PPP2R5E: variants seen among roughly 807,000 people sequenced by gnomAD.
PPP2R5E encodes serine/threonine-protein phosphatase 2A 56 kDa regulatory subunit epsilon isoform.
PPP2R5E carries 4 observed loss-of-function variants against 65.3 expected under a neutral mutation model. The observed-to-expected ratio is 0.06, with a 90% CI of 0.03 to 0.14. The LOEUF is 0.14. Ranked by LOEUF, PPP2R5E falls within the 10% of genes least tolerant of loss-of-function variation. The pLI is 1.00. For synonymous variants in PPP2R5E, 183 were observed against 187.4 expected, an observed-to-expected ratio of 0.98 and a Z score of 0.19; for missense variants, 274 against 556.1, an observed-to-expected ratio of 0.49 and a Z score of 5.10.
rs1893963334 is a variant in PPP2R5E, at chr14:63,542,843, G to A, written c.-72C>T. On this transcript the variant is annotated 5_prime_UTR_variant, in exon 1 of 14. Transcript: ENST00000337537. ...CTTGGAGGGGCGGGAGACGGGCGAG[G>A]TGGCCGCAGCGGGGGCGGGCGGCGG... 1 of 154,008 alleles carries A rather than the reference G, an allele frequency of 6.5e-6. No homozygotes were observed. The highest frequency in any genetic ancestry group is 1.9e-4 in the South Asian group (1 of 5,350). 9.5% of individuals were successfully genotyped at this position (154,008 alleles called of 1,614,324 possible).
chr14:63,392,499 G>C lies in PPP2R5E; in HGVS notation c.850-474C>G, dbSNP rs372494980. ...ATGCAAACTAAAGCAGTTTCACGAGGAGATAAAAGGTTGTACCTGCCAGTC... is the reference window on the plus strand; with the variant it reads ...ATGCAAACTAAAGCAGTTTCACGAGCAGATAAAAGGTTGTACCTGCCAGTC... On this transcript the variant is annotated intron_variant, in intron 8 of 13. Coordinates refer to ENST00000337537, the MANE Select transcript of PPP2R5E (RefSeq NM_006246.5). 3.9e-4 allele frequency among the ~76,000 whole-genome samples: 59 copies of C among 152,330 alleles called. 2 individuals are homozygous for C. Among genetic ancestry groups the C allele is most frequent in the African/African-American group, 1.4e-3 (58 of 41,572 alleles).
chr14:63,378,311 A>C (rs1388183470), intron 13 of PPP2R5E, among the ~76,000 whole-genome samples: 1 of 152,192 alleles, frequency 6.6e-6, no homozygotes, highest in Non-Finnish European at 1.5e-5. Flanking sequence ...GTTTTAACCC[A>C]TTTATGCCAG....
At chr14:63,405,319 G>A (rs1886002245) in intron 5 of PPP2R5E, among the ~76,000 whole-genome samples, 1 of 152,146 alleles carries the variant, frequency 6.6e-6, no homozygotes, top group Admixed American at 6.5e-5. Context: ...TTGGAGCTGA[G>A]ATTCAAGGCC....
intron 2 of PPP2R5E, among the ~76,000 whole-genome samples, chr14:63,470,284 G>A (rs1269114741): frequency 1.3e-4 from 19 of 151,850 alleles, no homozygotes; most frequent in African/African-American, 9.7e-5. Flanking sequence ...GTTACCCAGG[G>A]TGGTCTTGAA....
At chr14:63,507,575 C>CTTTTTTT (rs756154248) in intron 2 of PPP2R5E, among the ~76,000 whole-genome samples, 1 of 105,500 alleles carries the variant, frequency 9.5e-6, no homozygotes, top group Non-Finnish European at 1.9e-5. Flanking sequence ...GGGTAATTCT[C>CTTTTTTT]TTTTTTTTTT....
At chr14:63,467,948 A>G (rs61616257) in intron 2 of PPP2R5E, among the ~76,000 whole-genome samples, 8,179 of 152,308 alleles carry the variant, frequency 0.054, 590 homozygotes, top group African/African-American at 0.17. Context: ...GTGAGTCTCT[A>G]GCCCTTAGTT....
At chr14:63,386,494 G>A (rs1884673947) in intron 11 of PPP2R5E, among the ~76,000 whole-genome samples, 1 of 152,164 alleles carries the variant, frequency 6.6e-6, no homozygotes. Flanking sequence ...GGGAGAAGGG[G>A]CATCTACAAG....
chr14:63,422,138 C>G (rs1269614542), intron 3 of PPP2R5E, 44 bp from the exon 4 acceptor site: 1 of 1,486,822 alleles, frequency 6.7e-7, no homozygotes, highest in South Asian at 1.1e-5. Flanking sequence ...GCACCTTCTG[C>G]ACAGTTTTAC....
chr14:63,397,404 A>G (rs1053438597), intron 5 of PPP2R5E, among the ~76,000 whole-genome samples: 9 of 147,464 alleles, frequency 6.1e-5, no homozygotes, highest in African/African-American at 2.2e-4. Context: ...CAGAAGGCTG[A>G]GGCAGGAGAA....
At chr14:63,501,836 G>C (rs76354528) in intron 2 of PPP2R5E, among the ~76,000 whole-genome samples, 4,332 of 152,248 alleles carry the variant, frequency 0.028, 212 homozygotes, top group African/African-American at 0.1. Context: ...GAAGCAATCT[G>C]AGTTCTCTAT....
chr14:63,511,435 G>A (rs1189563661), intron 2 of PPP2R5E, among the ~76,000 whole-genome samples: 2 of 152,194 alleles, frequency 1.3e-5, no homozygotes, highest in East Asian at 3.8e-4. Context: ...ATGTTCATGA[G>A]TGAGCTCAGA....
rs147715452 is a variant in PPP2R5E at position 63,407,868 on chromosome 14, G to A, written c.549+7272C>T. Among the ~76,000 whole-genome samples the A allele has an allele frequency of 1.2e-4, 18 of 152,284 alleles. No individual in the cohort carries two copies. The East Asian group carries it at 3.5e-3, about 29-fold the overall frequency. On this transcript the variant is annotated intron_variant, in intron 5 of 13. Coordinates refer to ENST00000337537, the MANE Select transcript of PPP2R5E (RefSeq NM_006246.5). Reference sequence around the variant, plus strand: ...CTCATCCTTCTGCCTTCCACCATGTGAGGGCACACCCAGTAAGATGACACT... The same window carrying A: ...CTCATCCTTCTGCCTTCCACCATGTAAGGGCACACCCAGTAAGATGACACT...
At position 63,484,016 on chromosome 14, in the gene PPP2R5E, G is replaced by A. The variant is rs747982359; in HGVS notation, c.158-30131C>T. 4.7e-5 allele frequency among the ~76,000 whole-genome samples: 7 copies of A among 150,298 alleles called. No homozygotes were observed. The East Asian group carries it at 5.9e-4, about 13-fold the overall frequency. ...GGAGAATCGCTTGAACTGGTGAGGC[G>A]GAGGTTGCAGTAAGCCGAGATCACA... On this transcript the variant is annotated intron_variant, in intron 2 of 13. Coordinates refer to ENST00000337537, the MANE Select transcript of PPP2R5E (RefSeq NM_006246.5).
chr14:63,398,441 T>C (rs926588647), intron 5 of PPP2R5E, among the ~76,000 whole-genome samples: 6 of 152,256 alleles, frequency 3.9e-5, no homozygotes, highest in African/African-American at 1.4e-4. Flanking sequence ...CTCACATTTA[T>C]GGTCAACTGA....
At chr14:63,448,957 T>G (rs139621043) in intron 3 of PPP2R5E, among the ~76,000 whole-genome samples, 4 of 152,182 alleles carry the variant, frequency 2.6e-5, no homozygotes, top group African/African-American at 9.7e-5. Context: ...CCACAACACA[T>G]AGATTACTTT....
At chr14:63,379,541 C>T (rs957290613) in intron 13 of PPP2R5E, among the ~76,000 whole-genome samples, 2 of 152,048 alleles carry the variant, frequency 1.3e-5, no homozygotes, top group East Asian at 1.9e-4. Context: ...CAAAGTGCTG[C>T]GATTACAGGC....
At position 63,410,635 on chromosome 14, in the gene PPP2R5E, G is replaced by A. The variant is rs566814587; in HGVS notation, c.549+4505C>T. On this transcript the variant is annotated intron_variant, in intron 5 of 13. Coordinates refer to ENST00000337537, the MANE Select transcript of PPP2R5E (RefSeq NM_006246.5). ...CCCCCTCTTAGAAGGCACCGGGAGC[G>A]AAGGTAAGTCATCAGCAGACTAAAG... 7.2e-5 allele frequency among the ~76,000 whole-genome samples: 11 copies of A among 152,272 alleles called. No homozygotes were observed. The South Asian group carries it at 8.3e-4, about 11-fold the overall frequency.
intron 5 of PPP2R5E, among the ~76,000 whole-genome samples, chr14:63,402,769 A>G (rs547345692): frequency 1.3e-5 from 2 of 152,314 alleles, no homozygotes; most frequent in South Asian, 4.1e-4. Context: ...TCCAATACAT[A>G]ATAGCAATCC....
intron 2 of PPP2R5E, among the ~76,000 whole-genome samples, chr14:63,502,856 A>C (rs1891960048): frequency 6.6e-6 from 1 of 152,188 alleles, no homozygotes; most frequent in Non-Finnish European, 1.5e-5. Flanking sequence ...GGCCGGGTGC[A>C]ATGGCTTACA....
Sources: gnomAD v4.1 joint callset for allele counts (sites outside exome capture counted in the v4.1 genomes callset) on GRCh38, gnomAD v4.1.1 for gene constraint, MANE v1.5 for transcripts, NCBI Gene and HGNC (gene_info 2026-07-23, HGNC 2026-07-21) for gene names.